Variants in CREBL2 observed in about 807,000 individuals in gnomAD.
The protein encoded by CREBL2 is cAMP responsive element binding protein like 2, also known as cAMP-responsive element-binding protein-like 2.
CREBL2 carries 4 observed loss-of-function variants against 19.5 expected under a neutral mutation model. The ratio of observed to expected loss-of-function variants is 0.20; its 90% CI spans 0.10 to 0.47. The LOEUF (loss-of-function observed/expected upper bound fraction) is 0.47, where lower values mean the gene tolerates loss of function less well. Among genes scored for constraint, CREBL2 ranks in the 20% least tolerant of loss-of-function variants. CREBL2 has a pLI of 0.98. For synonymous variants in CREBL2, 42 were observed against 46.6 expected (o/e 0.90, Z 0.40); for missense variants, 85 against 145.1 (o/e 0.59, Z 2.13).
chr12:12,621,609 A>G (rs1945360973), intron 1 of CREBL2, among the ~76,000 whole-genome samples: 1 of 152,142 alleles, frequency 6.6e-6, no homozygotes, highest in African/African-American at 2.4e-5. Flanking sequence ...GCTACAGCGT[A>G]AAGCAGAAGT....
chr12:12,640,540 T>A (rs562131838), intron 3 of CREBL2, among the ~76,000 whole-genome samples: 10 of 152,336 alleles, frequency 6.6e-5, no homozygotes, highest in African/African-American at 2.4e-4. Context: ...TTTGTACAGT[T>A]AACACAATTA....
At chr12:12,641,253 A>ATTATTTTTTTTTTTTTT (rs1478394376) in intron 3 of CREBL2, among the ~76,000 whole-genome samples, 9 of 78,262 alleles carry the variant, frequency 1.1e-4, no homozygotes, top group Non-Finnish European at 1.5e-4. Context: ...TATTATTATT[A>ATTATTTTTTTTTTTTTT]TTTTTTTTTA....
intron 1 of CREBL2, among the ~76,000 whole-genome samples, chr12:12,621,539 A>G (rs1395175801): frequency 6.6e-6 from 1 of 151,980 alleles, no homozygotes; most frequent in Non-Finnish European, 1.5e-5. Flanking sequence ...AAAAAAAAAA[A>G]AAAAACTGGC....
intron 1 of CREBL2, among the ~76,000 whole-genome samples, chr12:12,622,366 A>T (rs1266398609): frequency 6.6e-6 from 1 of 152,220 alleles, no homozygotes; most frequent in Non-Finnish European, 1.5e-5. Context: ...AGCTAAAGAG[A>T]ACCCTGGAAA....
chr12:12,620,509 C>T (rs1258114537), intron 1 of CREBL2, among the ~76,000 whole-genome samples: 1 of 152,186 alleles, frequency 6.6e-6, no homozygotes, highest in Admixed American at 6.5e-5. Context: ...AGATTACGGA[C>T]ATGAGCCACC....
chr12:12,621,364 C>G (rs1945358223), intron 1 of CREBL2, among the ~76,000 whole-genome samples: 1 of 151,986 alleles, frequency 6.6e-6, no homozygotes, highest in Admixed American at 6.6e-5. Flanking sequence ...ACTAAAAATA[C>G]AAAATTAGCT....
At chr12:12,626,876 AAAAAAAG>A (rs1413448168) in intron 1 of CREBL2, among the ~76,000 whole-genome samples, 4 of 150,780 alleles carry the variant, frequency 2.7e-5, no homozygotes, top group Admixed American at 2.0e-4. Flanking sequence ...TTTCTTAAAA[AAAAAAAG>A]AAAAGAAAAG....
chr12:12,624,275 C>T (rs921407370), intron 1 of CREBL2, among the ~76,000 whole-genome samples: 1 of 152,124 alleles, frequency 6.6e-6, no homozygotes, highest in African/African-American at 2.4e-5. Flanking sequence ...AAGAAAAACA[C>T]CCTAAAGTTA....
At chr12:12,618,910 A>G (rs530900532) in intron 1 of CREBL2, among the ~76,000 whole-genome samples, 43 of 152,256 alleles carry the variant, frequency 2.8e-4, no homozygotes, top group South Asian at 1.0e-3. Context: ...GTGGCGGCGC[A>G]CACCTGCAAT....
intron 3 of CREBL2, among the ~76,000 whole-genome samples, chr12:12,641,263 A>ATTTT (rs761407635): frequency 3.5e-5 from 3 of 85,918 alleles, no homozygotes; most frequent in East Asian, 6.8e-4. Context: ...ATTTTTTTTT[A>ATTTT]TTTTTTTTTT....
At chr12:12,640,209 G>T (rs910458223) in intron 3 of CREBL2, among the ~76,000 whole-genome samples, 1 of 152,132 alleles carries the variant, frequency 6.6e-6, no homozygotes, top group African/African-American at 2.4e-5. Context: ...AGACCAGGGC[G>T]TATCTCAGTC....
Position 12,611,899 on chromosome 12 carries a change from T to C in CREBL2, c.-274T>C. On this transcript the variant is annotated 5_prime_UTR_variant, in exon 1 of 4. Transcript: ENST00000228865. The stretch of plus-strand genomic sequence containing the variant: ...CCGGTCTCGGCGGCTCTCCAGAGCG[T>C]CTGTAAACACCCAGAGACTGTCATG... 1 of 527,592 alleles carries C rather than the reference T, an allele frequency of 1.9e-6. No individual in the cohort carries two copies. Among genetic ancestry groups the C allele is most frequent in the Non-Finnish European group, 3.4e-6 (1 of 298,000 alleles). 32.7% of individuals were successfully genotyped at this position (527,592 alleles called of 1,614,324 possible).
intron 1 of CREBL2, among the ~76,000 whole-genome samples, chr12:12,618,638 G>C (rs1428729696): frequency 3.9e-5 from 6 of 152,206 alleles, no homozygotes; most frequent in Non-Finnish European, 7.3e-5. Context: ...TGGCGGCCGG[G>C]CAGAGGCTGC....
intron 1 of CREBL2, among the ~76,000 whole-genome samples, chr12:12,625,066 G>A (rs193069459): frequency 6.8e-4 from 103 of 152,044 alleles, no homozygotes; most frequent in African/African-American, 2.1e-3. Context: ...CCGTAGTCTC[G>A]TCTACCAGTC....
chr12:12,628,805 C>T (rs1057505920), intron 1 of CREBL2, among the ~76,000 whole-genome samples: 1 of 152,104 alleles, frequency 6.6e-6, no homozygotes, highest in Non-Finnish European at 1.5e-5. Context: ...GTATATGGTA[C>T]GAGGTAGTGA....
intron 1 of CREBL2, among the ~76,000 whole-genome samples, chr12:12,625,009 C>A (rs1001045021): frequency 6.6e-6 from 1 of 152,160 alleles, no homozygotes; most frequent in Admixed American, 6.5e-5. Flanking sequence ...GAAGTTATGC[C>A]GTCAAGCCAT....
rs60184474 is a variant in CREBL2, at chr12:12,624,233, C to G, written c.16-11544C>G. 5.8e-3 allele frequency among the ~76,000 whole-genome samples: 876 copies of G among 152,260 alleles called. 11 individuals are homozygous for G. Among genetic ancestry groups the G allele is most frequent in the African/African-American group, 0.02 (830 of 41,520 alleles). ...GGCCATTAGAGAAAATTTATTATTT[C>G]TATAATGATCAGGTATTACTTTTTT... On this transcript the variant is annotated intron_variant, in intron 1 of 3. Transcript: ENST00000228865.
intron 1 of CREBL2, among the ~76,000 whole-genome samples, chr12:12,629,219 TTAATAA>T (rs1166356512): frequency 6.6e-6 from 1 of 152,244 alleles, no homozygotes; most frequent in Non-Finnish European, 1.5e-5. Context: ...TATTCCTTTC[TTAATAA>T]TAATAAATCT....
intron 3 of CREBL2, among the ~76,000 whole-genome samples, chr12:12,640,932 C>T (rs983323763): frequency 6.6e-6 from 1 of 152,048 alleles, no homozygotes; most frequent in African/African-American, 2.4e-5. Context: ...CTTTTGGTGT[C>T]ATATCTAAGA....
Sources: allele counts gnomAD v4.1 joint callset (sites outside exome capture counted in the v4.1 genomes callset), GRCh38; gene constraint gnomAD v4.1.1; transcripts MANE v1.5; gene names NCBI Gene and HGNC (gene_info 2026-07-23, HGNC 2026-07-21).